Variants in CAPSL observed in about 807,000 individuals in gnomAD.
The protein encoded by CAPSL is calcyphosin-like protein.
A neutral mutation model predicts 21.3 loss-of-function variants in CAPSL; 17 were observed. The observed-to-expected ratio is 0.80, with a 90% CI of 0.55 to 1.20. CAPSL has a LOEUF of 1.20. Ranked by LOEUF, CAPSL falls within the 50% of genes most tolerant of loss-of-function variation. The pLI, the probability that CAPSL is intolerant of heterozygous loss-of-function variation, is 0.00. For missense variants in CAPSL, 289 were observed against 259.3 expected, an observed-to-expected ratio of 1.11 and a Z score of -0.79; for synonymous variants, 102 against 89.3, an observed-to-expected ratio of 1.14 and a Z score of -0.80.
chr5:35,927,281 T>A (rs1047165340), intron 1 of CAPSL, among the ~76,000 whole-genome samples: 20 of 152,242 alleles, frequency 1.3e-4, no homozygotes, highest in Admixed American at 4.6e-4. Context: ...CACCTCTTGA[T>A]GCTGTTAAGC....
At chr5:35,933,199 C>T (rs915557451) in intron 1 of CAPSL, among the ~76,000 whole-genome samples, 1 of 152,172 alleles carries the variant, frequency 6.6e-6, no homozygotes, top group Admixed American at 6.5e-5. Context: ...ACATTTACTG[C>T]ACACTTACTC....
At chr5:35,934,013 T>A (rs1227874745) in intron 1 of CAPSL, among the ~76,000 whole-genome samples, 4 of 152,164 alleles carry the variant, frequency 2.6e-5, no homozygotes, top group Admixed American at 6.5e-5. Flanking sequence ...ATTTCTACAG[T>A]TCAGTGTCTT....
intron 4 of CAPSL, among the ~76,000 whole-genome samples, chr5:35,909,522 C>T (rs1044495995): frequency 1.3e-5 from 2 of 152,176 alleles, no homozygotes; most frequent in African/African-American, 4.8e-5. Flanking sequence ...TGGAGTGCAA[C>T]TAGCTGAGTA....
intron 2 of CAPSL, among the ~76,000 whole-genome samples, chr5:35,918,416 C>T (rs183264780): frequency 6.4e-4 from 98 of 152,170 alleles, no homozygotes; most frequent in African/African-American, 2.1e-3. Context: ...AATGAGATTA[C>T]GTGGACACAA....
chr5:35,915,729 T>A (rs1738362030), intron 2 of CAPSL, among the ~76,000 whole-genome samples: 1 of 152,154 alleles, frequency 6.6e-6, no homozygotes, highest in Admixed American at 6.5e-5. Context: ...ATAAGAGCTA[T>A]CTATGACAAA....
At chr5:35,931,245 G>A (rs1738815000) in intron 1 of CAPSL, among the ~76,000 whole-genome samples, 1 of 152,080 alleles carries the variant, frequency 6.6e-6, no homozygotes, top group South Asian at 2.1e-4. Context: ...AAAATAACTA[G>A]CAATCCAATG....
At chr5:35,915,776 G>A (rs1039054776) in intron 2 of CAPSL, among the ~76,000 whole-genome samples, 7 of 152,138 alleles carry the variant, frequency 4.6e-5, no homozygotes, top group Non-Finnish European at 1.0e-4. Flanking sequence ...GCAAAAAACT[G>A]GAAGCATTCC....
Position 35,904,612 on chromosome 5 carries a change from C to G in CAPSL, c.560G>C (p.Gly187Ala), listed in dbSNP as rs765581255. The change falls in exon 5 of 5, where the codon GGT (glycine) becomes GCT (alanine). Residue 187 changes from glycine to alanine, a missense_variant. By Grantham distance (60) the Gly-to-Ala change is moderately conservative. Transcript: ENST00000651391. ...ATCAGTGTCAATGGATGCGCTCACA[C>G]CTGCATAGTAGTTCATGAACTCCTC... ...TPEEFMNYYA[G>A]VSASIDTDVY... 1 of 1,613,770 alleles carries G rather than the reference C, an allele frequency of 6.2e-7. No individual in the cohort carries two copies. Among genetic ancestry groups the G allele is most frequent in the Non-Finnish European group, 8.5e-7 (1 of 1,179,982 alleles).
At chr5:35,904,739 A>T in intron 4 of CAPSL, 93 bp from the exon 5 acceptor site, 1 of 1,538,874 alleles carries the variant, frequency 6.5e-7, no homozygotes, top group East Asian at 2.3e-5. Flanking sequence ...GAAGGGAAAT[A>T]GAGGATTTCT....
chr5:35,908,789 G>A (rs191459783), intron 4 of CAPSL, among the ~76,000 whole-genome samples: 103 of 152,324 alleles, frequency 6.8e-4, no homozygotes, highest in Middle Eastern at 3.4e-3. Context: ...AAAGGGAAAT[G>A]TCAGCAGGAA....
In CAPSL at chr5:35,932,782, A is replaced by G. The variant is rs183788706; in HGVS notation, c.-1+5759T>C. The stretch of plus-strand genomic sequence containing the variant: ...CCGGATCACTCTGATGCAGAAGACT[A>G]AGGAAAGCCCTAAGGGCAGACGTCA... On this transcript the variant is annotated intron_variant, in intron 1 of 4. Coordinates refer to ENST00000651391, the MANE Select transcript of CAPSL (RefSeq NM_001042625.2). Among the ~76,000 whole-genome samples the G allele has an allele frequency of 3.7e-4, 57 of 152,354 alleles. 1 individual carries two copies. The East Asian group carries it at 9.3e-3, about 25-fold the overall frequency.
At chr5:35,925,805 G>T (rs1217960902) in intron 1 of CAPSL, among the ~76,000 whole-genome samples, 1 of 152,126 alleles carries the variant, frequency 6.6e-6, no homozygotes, top group Non-Finnish European at 1.5e-5. Context: ...GGCCGGGCGC[G>T]GTGGCTTACG....
chr5:35,912,231 G>C (rs1374838589), intron 2 of CAPSL, among the ~76,000 whole-genome samples: 1 of 152,206 alleles, frequency 6.6e-6, no homozygotes, highest in African/African-American at 2.4e-5. Context: ...ACTGGGTGGA[G>C]CTCACTGCAG....
At chr5:35,915,961 A>T (rs1400192984) in intron 2 of CAPSL, among the ~76,000 whole-genome samples, 1 of 151,994 alleles carries the variant, frequency 6.6e-6, no homozygotes, top group African/African-American at 2.4e-5. Context: ...TATCTAGAAA[A>T]CCCCATCGTC....
chr5:35,912,736 T>C (rs1738265270), intron 2 of CAPSL, among the ~76,000 whole-genome samples: 1 of 151,812 alleles, frequency 6.6e-6, no homozygotes, highest in Non-Finnish European at 1.5e-5. Context: ...AGACCAAAGG[T>C]AGATAAAACC....
At chr5:35,932,021 C>T (rs368307328) in intron 1 of CAPSL, among the ~76,000 whole-genome samples, 21 of 152,182 alleles carry the variant, frequency 1.4e-4, no homozygotes, top group African/African-American at 4.8e-4. Context: ...TCTTGCAGTC[C>T]CTTAGAATGA....
At chr5:35,905,851 G>A (rs774705800) in intron 4 of CAPSL, among the ~76,000 whole-genome samples, 16 of 152,186 alleles carry the variant, frequency 1.1e-4, no homozygotes, top group Admixed American at 3.9e-4. Context: ...CATAAGCCTA[G>A]GCCCACAGGC....
At position 35,921,010 on chromosome 5, in the gene CAPSL, G is replaced by A; in HGVS notation, c.111C>T (p.Gly37=). 1.2e-6 allele frequency: 2 copies of A among 1,614,122 alleles called. No individual in the cohort carries two copies. The highest frequency in any genetic ancestry group is 2.2e-5 in the East Asian group (1 of 44,878). ...ERLRLQCLAR[G]SAGIKGLGRV... is the part of the protein sequence containing the mutation. ...TGCCAAGTCCTTTGATCCCAGCAGA[G>A]CCCCTGGCCAGGCACTGCAGTCGGA... Residue 37 remains glycine, a synonymous_variant, in exon 2 of 5, where the codon GGC becomes GGT. Coordinates refer to ENST00000651391, the MANE Select transcript of CAPSL (RefSeq NM_001042625.2).
chr5:35,908,484 T>C (rs1738097264), intron 4 of CAPSL, among the ~76,000 whole-genome samples: 1 of 152,206 alleles, frequency 6.6e-6, no homozygotes, highest in Non-Finnish European at 1.5e-5. Flanking sequence ...CTGGCTATTT[T>C]GACTTTTGTT....
Sources: gnomAD v4.1 joint callset for allele counts (sites outside exome capture counted in the v4.1 genomes callset) on GRCh38, gnomAD v4.1.1 for gene constraint, MANE v1.5 for transcripts, NCBI Gene and HGNC (gene_info 2026-07-23, HGNC 2026-07-21) for gene names.